Variants in EFTUD2 observed in about 807,000 individuals in gnomAD.
EFTUD2 encodes elongation factor Tu GTP binding domain containing 2.
Under a neutral mutation model 114.3 loss-of-function variants are expected in EFTUD2, and 9 were observed. The ratio of observed to expected loss-of-function variants is 0.08; its 90% confidence interval spans 0.05 to 0.14. The LOEUF is 0.14. Among genes scored for constraint, EFTUD2 ranks in the 10% least tolerant of loss-of-function variants. The pLI is 1.00. For missense variants in EFTUD2, 765 were observed against 1,241.2 expected (o/e 0.62, Z 5.76); for synonymous variants, 449 against 462.3 (o/e 0.97, Z 0.37).
intron 2 of EFTUD2, among the ~76,000 whole-genome samples, chr17:44,887,135 A>G (rs1037010164): frequency 4.2e-4 from 64 of 152,222 alleles, no homozygotes; most frequent in Non-Finnish European, 9.0e-4. Context: ...TTATATCCAC[A>G]GAATTGTTTT....
chr17:44,852,639 C>T (rs574064104), intron 25 of EFTUD2, 77 bp from the exon 26 acceptor site: 4 of 1,516,182 alleles, frequency 2.6e-6, no homozygotes, highest in African/African-American at 2.8e-5. Flanking sequence ...CATTTGCTGT[C>T]CCCCAAATGC....
At chr17:44,871,502 C>G (rs2050854133) in intron 11 of EFTUD2, among the ~76,000 whole-genome samples, 2 of 151,946 alleles carry the variant, frequency 1.3e-5, no homozygotes. Context: ...CCACGCCTGG[C>G]TAATTTTTTT....
rs190782080 is a variant in EFTUD2, at chr17:44,856,396, G to C, written c.2045+679C>G. ...ATACAAAAAATTAGCCAGGTGTGGT[G>C]GTGCGTGCATGTAATCCCTGCTACT... is the stretch of plus-strand genomic sequence containing the variant. On this transcript the variant is annotated intron_variant, in intron 20 of 27. Transcript: ENST00000426333. 7.2e-4 allele frequency among the ~76,000 whole-genome samples: 109 copies of C among 152,008 alleles called. 1 individual carries two copies. The highest frequency in any genetic ancestry group is 2.4e-3 in the African/African-American group (101 of 41,448).
Position 44,883,162 on chromosome 17 carries a change from A to C in EFTUD2, c.427-4T>G. On this transcript the variant is annotated splice_region_variant and splice_polypyrimidine_tract_variant and intron_variant, in intron 5 of 27. Coordinates refer to ENST00000426333, the MANE Select transcript of EFTUD2 (RefSeq NM_004247.4). ...TTAAACAATCCACAAAACATGTCTA[A>C]AAGGGAAGAAACAGTTAACATCTGC... The C allele has an allele frequency of 6.2e-7, 1 of 1,614,130 alleles. No homozygotes were observed. Among genetic ancestry groups the C allele is most frequent in the Non-Finnish European group, 8.5e-7 (1 of 1,180,008 alleles).
chr17:44,865,318 C>T, intron 13 of EFTUD2: 1 of 411,392 alleles, frequency 2.4e-6, no homozygotes, highest in Non-Finnish European at 4.3e-6. Context: ...ATTGATTACT[C>T]CCAGTGCTGC....
At chr17:44,863,593 C>G in intron 15 of EFTUD2, 62 bp downstream of exon 15, 2 of 1,572,016 alleles carry the variant, frequency 1.3e-6, no homozygotes, top group Non-Finnish European at 1.7e-6. Context: ...GACCAGAAAT[C>G]AGTATCCCCA....
At chr17:44,877,770 C>T (rs528788007) in intron 9 of EFTUD2, among the ~76,000 whole-genome samples, 1 of 152,148 alleles carries the variant, frequency 6.6e-6, no homozygotes, top group Admixed American at 6.5e-5. Context: ...TGCGCCACTG[C>T]ACTCCAGCCT....
intron 10 of EFTUD2, among the ~76,000 whole-genome samples, chr17:44,875,269 G>A (rs1025818419): frequency 7.2e-5 from 11 of 152,072 alleles, no homozygotes; most frequent in East Asian, 3.8e-4. Flanking sequence ...GGTGGTTCAC[G>A]CCTGTAATCC....
chr17:44,853,254 C>G, intron 25 of EFTUD2, 42 bp downstream of exon 25: 1 of 1,600,880 alleles, frequency 6.2e-7, no homozygotes, highest in Non-Finnish European at 8.5e-7. Context: ...TTGTTCTGCT[C>G]TTGCTCTCAG....
At chr17:44,883,225 C>G in intron 5 of EFTUD2, 67 bp from the exon 6 acceptor site, 1 of 1,430,858 alleles carries the variant, frequency 7.0e-7, no homozygotes, top group Non-Finnish European at 9.8e-7. Context: ...CTTCCCCCAG[C>G]TCCCAATACA....
chr17:44,855,724 G>A (rs2050538614), intron 20 of EFTUD2, among the ~76,000 whole-genome samples: 2 of 152,060 alleles, frequency 1.3e-5, no homozygotes, highest in Non-Finnish European at 2.9e-5. Flanking sequence ...GCTGAGGCAG[G>A]CAGATCATGA....
intron 1 of EFTUD2, 59 bp from the exon 2 acceptor site, chr17:44,894,584 T>A: frequency 7.9e-7 from 1 of 1,261,700 alleles, no homozygotes; most frequent in Non-Finnish European, 1.2e-6. Flanking sequence ...CTTCATGTGG[T>A]GGCTCCACCT....
chr17:44,887,769 ACT>A (rs997141623), intron 2 of EFTUD2, among the ~76,000 whole-genome samples: 5 of 152,016 alleles, frequency 3.3e-5, no homozygotes, highest in African/African-American at 1.2e-4. Flanking sequence ...CAGTTGCATG[ACT>A]CTGTGAATAC....
At chr17:44,872,664 C>T (rs1423035238) in intron 10 of EFTUD2, 94 bp from the exon 11 acceptor site, 4 of 1,443,574 alleles carry the variant, frequency 2.8e-6, no homozygotes, top group East Asian at 5.3e-5. Context: ...CACAGCCACT[C>T]TCCAGCCCTC....
At position 44,860,595 on chromosome 17, in the gene EFTUD2, ATTTTTTTTTTT is replaced by A. The variant is rs34404174; in HGVS notation, c.1608-63_1608-53del. The A allele has an allele frequency of 6.2e-4, 415 of 672,294 alleles. 2 individuals carry two copies. The South Asian group carries it at 7.7e-3, about 12-fold the overall frequency. 41.6% of individuals were successfully genotyped at this position (672,294 alleles called of 1,614,324 possible). On this transcript the variant is annotated intron_variant, in intron 16 of 27. Coordinates refer to ENST00000426333, the MANE Select transcript of EFTUD2 (RefSeq NM_004247.4). Reference sequence around the variant, plus strand: ...TGAAACTTAGGCAGAGCATTCCCTAATTTTTTTTTTTTTTTTTTTTTTGAGACAGGATCTCA... The same window carrying A: ...TGAAACTTAGGCAGAGCATTCCCTAATTTTTTTTTTTGAGACAGGATCTCA...
chr17:44,878,866 T>C (rs1423616929), intron 9 of EFTUD2, among the ~76,000 whole-genome samples: 1 of 152,220 alleles, frequency 6.6e-6, no homozygotes, highest in African/African-American at 2.4e-5. Flanking sequence ...TTAGCCAAAG[T>C]GTTCCATCTC....
chr17:44,881,714 A>G lies in EFTUD2; in HGVS notation c.501T>C (p.Tyr167=). 1.2e-6 allele frequency: 2 copies of G among 1,614,218 alleles called. No individual in the cohort carries two copies. The highest frequency in any genetic ancestry group is 1.7e-6 in the Non-Finnish European group (2 of 1,180,030). Residue 167 remains tyrosine, a synonymous_variant, in exon 7 of 28, where the codon TAT becomes TAC. Coordinates refer to ENST00000426333, the MANE Select transcript of EFTUD2 (RefSeq NM_004247.4). Reference sequence around the variant, plus strand: ...CTTGCTCTGTGAAGAGGATGTCAGTATAGCACAGCTGAAAAAAAATTAACT... The same window carrying G: ...CTTGCTCTGTGAAGAGGATGTCAGTGTAGCACAGCTGAAAAAAAATTAACT... ...IRKRYDQDLC[Y]TDILFTEQER... is the part of the protein sequence containing the mutation.
intron 1 of EFTUD2, among the ~76,000 whole-genome samples, chr17:44,894,926 A>G (rs189272598): frequency 1.6e-4 from 25 of 152,400 alleles, no homozygotes; most frequent in Admixed American, 1.5e-3. Flanking sequence ...AGTATCAAAA[A>G]ATGGCAAGAA....
At chr17:44,855,058 C>A in intron 20 of EFTUD2, 54 bp from the exon 21 acceptor site, 1 of 1,481,032 alleles carries the variant, frequency 6.8e-7, no homozygotes, top group Non-Finnish European at 9.4e-7. Flanking sequence ...GCAGAAGAGG[C>A]ATTACTAAGA....
Sources: allele counts gnomAD v4.1 joint callset (sites outside exome capture counted in the v4.1 genomes callset), GRCh38; gene constraint gnomAD v4.1.1; transcripts MANE v1.5; gene names NCBI Gene and HGNC (gene_info 2026-07-23, HGNC 2026-07-21).